The following PLPP5 variants were observed in gnomAD, a reference collection of about 807,000 sequenced individuals.
PLPP5 encodes diacylglycerol pyrophosphate like 1.
Under a neutral mutation model 23.6 loss-of-function variants are expected in PLPP5, and 29 were observed. The ratio of observed to expected loss-of-function variants is 1.23; its 90% CI spans 0.92 to 1.68. PLPP5 has a LOEUF of 1.68. Ranked by LOEUF, PLPP5 falls within the 40% of genes most tolerant of loss-of-function variation. PLPP5 has a pLI of 0.00. For missense variants in PLPP5, 315 were observed against 332.1 expected, an observed-to-expected ratio of 0.95 and a Z score of 0.40; for synonymous variants, 143 against 131.3, an observed-to-expected ratio of 1.09 and a Z score of -0.61.
intron 5 of PLPP5, chr8:38,266,849 C>T (rs889985681): frequency 4.4e-6 from 1 of 227,580 alleles, no homozygotes; most frequent in South Asian, 8.6e-5. Context: ...TATGTATCAA[C>T]TTGTTGATGC....
rs183861658 is a variant in PLPP5, at chr8:38,263,998, G to A, written c.*446C>T. On this transcript the variant is annotated 3_prime_UTR_variant, in exon 7 of 7. Coordinates refer to ENST00000424479, the MANE Select transcript of PLPP5 (RefSeq NM_001102559.2). ...GTAACTCCTCAAGATAGATGAGCAG[G>A]GGCAAAAGTGTGTAATCATTTGGAG... 2 of 985,978 alleles carry A rather than the reference G, an allele frequency of 2.0e-6. No individual in the cohort carries two copies. The highest frequency in any genetic ancestry group is 4.7e-5 in the South Asian group (1 of 21,332). 61.1% of individuals were successfully genotyped at this position (985,978 alleles called of 1,614,324 possible). A position where few individuals can be genotyped will look rare whatever the true frequency, so the allele number is the denominator to read the frequency against.
intron 5 of PLPP5, 57 bp downstream of exon 5, chr8:38,267,210 G>C (rs1807758103): frequency 1.9e-6 from 3 of 1,613,438 alleles, no homozygotes; most frequent in African/African-American, 1.3e-5. Flanking sequence ...TAGCTTTCTA[G>C]GTTAAATTCA....
At chr8:38,269,059 G>T in intron 1 of PLPP5, 67 bp downstream of exon 1, 1 of 1,520,738 alleles carries the variant, frequency 6.6e-7, no homozygotes, top group Non-Finnish European at 8.8e-7. Context: ...TGCCCGACCC[G>T]CCGCCCCGTG....
rs935151872 is a variant in PLPP5 at position 38,268,470 on chromosome 8, G to A, written c.184-9C>T. 1.0e-5 allele frequency: 16 copies of A among 1,562,098 alleles called. No homozygotes were observed. The highest frequency in any genetic ancestry group is 1.4e-5 in the Non-Finnish European group (16 of 1,152,930). On this transcript the variant is annotated splice_polypyrimidine_tract_variant and intron_variant, in intron 2 of 6. Transcript: ENST00000424479. ...GAGAGAAATGCAATAACCTGAATCA[G>A]AATGTCAGAGGTTAAAAACAATCCA...
chr8:38,266,128 G>A lies in PLPP5; in HGVS notation c.634+13C>T. 2 of 1,613,246 alleles carry A rather than the reference G, an allele frequency of 1.2e-6. No homozygotes were observed. The highest frequency in any genetic ancestry group is 8.5e-7 in the Non-Finnish European group (1 of 1,179,334). On this transcript the variant is annotated intron_variant, in intron 6 of 6. Coordinates refer to ENST00000424479, the MANE Select transcript of PLPP5 (RefSeq NM_001102559.2). ...AAATATGCAAGCTTCCATAGCCTGA[G>A]TACTTTGCTTACCTTGCCAGTGATG...
chr8:38,268,277 A>G (rs548426232), intron 3 of PLPP5, 94 bp downstream of exon 3: 9 of 1,196,674 alleles, frequency 7.5e-6, no homozygotes. Flanking sequence ...TGCAGAACTC[A>G]GTGGCCTCCA....
intron 5 of PLPP5, chr8:38,266,998 T>G (rs1807716632): frequency 7.5e-7 from 1 of 1,334,978 alleles, no homozygotes; most frequent in Non-Finnish European, 9.6e-7. Context: ...AAAGGTATTT[T>G]TATTGCTAGT....
chr8:38,264,229 C>T lies in PLPP5; in HGVS notation c.*215G>A, dbSNP rs1032949633. On this transcript the variant is annotated 3_prime_UTR_variant, in exon 7 of 7. Transcript: ENST00000424479. ...GTGGTGCGATCTCGGCTCACTGGAA[C>T]CTCCAGCTCCCAGGTTCAAGCAATT... 55 of 822,376 alleles carry T rather than the reference C, an allele frequency of 6.7e-5. No homozygotes were observed. Among genetic ancestry groups the T allele is most frequent in the Non-Finnish European group, 8.3e-5 (52 of 625,584 alleles). 50.9% of individuals were successfully genotyped at this position (822,376 alleles called of 1,614,324 possible).
In PLPP5 at chr8:38,269,162, T is replaced by C. The variant is rs761734170; in HGVS notation, c.38A>G (p.Glu13Gly). 1.4e-5 allele frequency: 21 copies of C among 1,512,460 alleles called. No individual in the cohort carries two copies. In the South Asian group the frequency reaches 2.4e-4, roughly 18 times the overall value. The allele number at this position is 1,512,460 out of a possible 1,614,324, so 93.7% of individuals were successfully genotyped here. Reference sequence around the variant, plus strand: ...GAACAGCGCGAGCCGCACGCCCACTTCGGCCCCAAAGGCCACCGCCGCCGC... The same window carrying C: ...GAACAGCGCGAGCCGCACGCCCACTCCGGCCCCAAAGGCCACCGCCGCCGC... ...KAAAAVAFGA[E>G]VGVRLALFAA... Residue 13 changes from glutamate to glycine, a missense_variant, in exon 1 of 7, where the codon GAA becomes GGA. Coordinates refer to ENST00000424479, the MANE Select transcript of PLPP5 (RefSeq NM_001102559.2).
intron 5 of PLPP5, 192 bp from the exon 6 acceptor site, chr8:38,266,503 C>T (rs551954984): frequency 8.1e-5 from 43 of 532,536 alleles, no homozygotes; most frequent in African/African-American, 4.4e-4. Context: ...CGGGTTCAAG[C>T]GATTCTCCTG....
chr8:38,267,952 G>A lies in PLPP5; in HGVS notation c.283C>T (p.Leu95Phe). 1 of 1,614,020 alleles carries A rather than the reference G, an allele frequency of 6.2e-7. No individual in the cohort carries two copies. Among genetic ancestry groups the A allele is most frequent in the East Asian group, 2.2e-5 (1 of 44,880 alleles). The change falls in exon 4 of 7, where the codon CTT becomes TTT. Residue 95 changes from leucine (L) to phenylalanine (F), a missense_variant. Transcript: ENST00000424479. Reference sequence around the variant, plus strand: ...AAGACGCCATTCAGAGCCAGGGCAAGGCTGGCAGCTGCAAAGCAAAGCCAT... The same window carrying A: ...AAGACGCCATTCAGAGCCAGGGCAAAGCTGGCAGCTGCAAAGCAAAGCCAT... ...DSRQACLAAS[L>F]ALALNGVFTN...
intron 1 of PLPP5, 55 bp downstream of exon 1, chr8:38,269,071 C>A: frequency 6.6e-7 from 1 of 1,524,378 alleles, no homozygotes; most frequent in East Asian, 2.6e-5. Context: ...CGCCCCGTGC[C>A]GCCCGCCTGC....
chr8:38,267,834 C>T (rs1029394338), intron 4 of PLPP5, 63 bp downstream of exon 4: 10 of 1,480,642 alleles, frequency 6.8e-6, no homozygotes, highest in Non-Finnish European at 9.4e-6. Flanking sequence ...ACACCATTAA[C>T]CTCTCTGTTC....
intron 3 of PLPP5, 165 bp from the exon 4 acceptor site, chr8:38,268,125 A>C: frequency 7.0e-7 from 1 of 1,431,534 alleles, no homozygotes. Flanking sequence ...GTAGCCGAGA[A>C]CTTTTGTACT....
At chr8:38,268,738 C>CGA in intron 2 of PLPP5, 144 bp downstream of exon 2, 1 of 1,433,726 alleles carries the variant, frequency 7.0e-7, no homozygotes, top group Non-Finnish European at 9.1e-7. Context: ...CTTAAACACT[C>CGA]GAGCCCTAGG....
chr8:38,264,809 G>T, intron 6 of PLPP5: 1 of 1,541,338 alleles, frequency 6.5e-7, no homozygotes, highest in South Asian at 1.3e-5. Context: ...GTTGCTTTCT[G>T]AACACCAAAT....
chr8:38,268,621 C>G, intron 2 of PLPP5, 160 bp from the exon 3 acceptor site: 2 of 1,440,884 alleles, frequency 1.4e-6, no homozygotes, highest in Non-Finnish European at 1.8e-6. Context: ...TGAACAGCAG[C>G]GCCCGTGCGG....
At chr8:38,268,292 G>C in intron 3 of PLPP5, 79 bp downstream of exon 3, 1 of 1,314,886 alleles carries the variant, frequency 7.6e-7, no homozygotes, top group Non-Finnish European at 1.1e-6. Context: ...CCTCCACACA[G>C]GCTCACCGTG....
At chr8:38,267,460 C>A in intron 4 of PLPP5, 69 bp from the exon 5 acceptor site, 1 of 1,574,740 alleles carries the variant, frequency 6.4e-7, no homozygotes. Flanking sequence ...TTGTAGCAGA[C>A]ATTAATAATC....
Sources: gnomAD v4.1 joint callset for allele counts on GRCh38, gnomAD v4.1.1 for gene constraint, MANE v1.5 for transcripts, NCBI Gene and HGNC (gene_info 2026-07-23, HGNC 2026-07-21) for gene names.